The following KYAT1 variants were observed in gnomAD, a reference collection of about 807,000 sequenced individuals.
KYAT1 encodes the protein kynurenine aminotransferase 1, also known as kynurenine--oxoglutarate transaminase 1.
A neutral mutation model predicts 52.4 loss-of-function variants in KYAT1; 47 were observed. The observed-to-expected ratio is 0.90, with a 90% CI of 0.71 to 1.14. The LOEUF (loss-of-function observed/expected upper bound fraction) is 1.14, where lower values mean the gene tolerates loss of function less well. KYAT1 is among the 50% of genes most tolerant of loss of function. The pLI is 0.00. For synonymous variants in KYAT1, 212 were observed against 209.6 expected, an observed-to-expected ratio of 1.01 and a Z score of -0.10; for missense variants, 480 against 557.9, an observed-to-expected ratio of 0.86 and a Z score of 1.41.
chr9:128,853,174 C>A (rs951476692), intron 1 of KYAT1, among the ~76,000 whole-genome samples: 2 of 152,156 alleles, frequency 1.3e-5, no homozygotes, highest in African/African-American at 4.8e-5. Context: ...GTTAGACAAG[C>A]TTTTATCAAT....
intron 1 of KYAT1, chr9:128,846,820 G>C: frequency 1.3e-6 from 2 of 1,535,594 alleles, no homozygotes; most frequent in Non-Finnish European, 1.7e-6. Flanking sequence ...TGGCTGGTGG[G>C]CCGTGGAGCT....
intron 3 of KYAT1, among the ~76,000 whole-genome samples, chr9:128,841,357 G>C (rs954265233): frequency 6.6e-5 from 10 of 152,094 alleles, no homozygotes; most frequent in Admixed American, 2.0e-4. Flanking sequence ...ACAAAAATTA[G>C]CTGGGCATGG....
intron 4 of KYAT1, 36 bp downstream of exon 4, chr9:128,838,182 T>G: frequency 6.2e-7 from 1 of 1,614,164 alleles, no homozygotes; most frequent in Non-Finnish European, 8.5e-7. Context: ...GGCCCTGACC[T>G]CTCAGTCCCA....
intron 1 of KYAT1, among the ~76,000 whole-genome samples, chr9:128,847,034 G>A (rs991329678): frequency 6.6e-6 from 1 of 152,186 alleles, no homozygotes; most frequent in Non-Finnish European, 1.5e-5. Flanking sequence ...CAAGGACCTG[G>A]TCAGGGTGGC....
intron 1 of KYAT1, among the ~76,000 whole-genome samples, chr9:128,875,540 G>A (rs1207747450): frequency 2.6e-5 from 4 of 151,870 alleles, no homozygotes; most frequent in African/African-American, 9.7e-5. Flanking sequence ...TTGAACCTGA[G>A]AGGCAGAGGT....
chr9:128,846,630 G>C, intron 1 of KYAT1: 4 of 541,234 alleles, frequency 7.4e-6, no homozygotes, highest in Non-Finnish European at 1.2e-5. Context: ...AAAAAAGAAA[G>C]AAAGAAATTG....
At position 128,842,724 on chromosome 9, in the gene KYAT1, T is replaced by A. The variant is rs774957587; in HGVS notation, c.131A>T (p.Asp44Val). ...GTGCTGAAAGGCTTCCACGGCAAAGTCTGGTGGTGGGAAATCCGGGAAGCC... is the reference window on the plus strand; with the variant it reads ...GTGCTGAAAGGCTTCCACGGCAAAGACTGGTGGTGGGAAATCCGGGAAGCC... ...GQGFPDFPPPDFAVEAFQHAV... is the reference protein window; with the variant it reads ...GQGFPDFPPPVFAVEAFQHAV... The change falls in exon 3 of 13, where the codon GAC (aspartate) becomes GTC (valine). Residue 44 changes from aspartate (D) to valine (V), a missense_variant. By Grantham distance (152) the Asp-to-Val change is radical (BLOSUM62 -3). Transcript: ENST00000302586. The A allele has an allele frequency of 1.2e-6, 2 of 1,614,122 alleles. No individual in the cohort carries two copies. Among genetic ancestry groups the A allele is most frequent in the South Asian group, 2.2e-5 (2 of 91,084 alleles).
chr9:128,865,388 G>T (rs1373617868), intron 1 of KYAT1, among the ~76,000 whole-genome samples: 52 of 69,272 alleles, frequency 7.5e-4, no homozygotes, highest in African/African-American at 1.8e-3. Context: ...TTGAGACAGA[G>T]TTTCGCTCTT....
At chr9:128,876,456 C>G (rs974103476) in intron 1 of KYAT1, among the ~76,000 whole-genome samples, 1 of 141,530 alleles carries the variant, frequency 7.1e-6, no homozygotes, top group African/African-American at 2.6e-5. Context: ...CTGGCTCTGT[C>G]GCCCAGGCTG....
chr9:128,841,323 T>C (rs978710536), intron 3 of KYAT1, among the ~76,000 whole-genome samples: 3 of 151,648 alleles, frequency 2.0e-5, no homozygotes, highest in African/African-American at 7.3e-5. Context: ...GCCAACATGG[T>C]GAAACCCCGT....
intron 1 of KYAT1, among the ~76,000 whole-genome samples, chr9:128,845,887 C>G (rs1274013401): frequency 4.6e-5 from 7 of 152,176 alleles, no homozygotes; most frequent in African/African-American, 1.7e-4. Context: ...CTGGTCAGGC[C>G]TATCTTATCA....
At chr9:128,867,081 C>T (rs1196972203) in intron 1 of KYAT1, among the ~76,000 whole-genome samples, 1 of 152,166 alleles carries the variant, frequency 6.6e-6, no homozygotes, top group East Asian at 1.9e-4. Flanking sequence ...ATTTGAAAAG[C>T]AAGCACTAGG....
chr9:128,874,803 C>A (rs545586080), intron 1 of KYAT1, among the ~76,000 whole-genome samples: 2 of 151,274 alleles, frequency 1.3e-5, no homozygotes, highest in African/African-American at 4.9e-5. Context: ...CGGCTCACTC[C>A]AATCTCTGCC....
intron 1 of KYAT1, among the ~76,000 whole-genome samples, chr9:128,881,356 C>T (rs1838867589): frequency 6.6e-6 from 1 of 152,226 alleles, no homozygotes; most frequent in Non-Finnish European, 1.5e-5. Flanking sequence ...GCTGGGATTA[C>T]AGACGTGAGC....
chr9:128,856,063 T>C (rs1024598062), intron 1 of KYAT1, among the ~76,000 whole-genome samples: 3 of 152,208 alleles, frequency 2.0e-5, no homozygotes, highest in Non-Finnish European at 2.9e-5. Context: ...GACTGGAATA[T>C]GTCAGATTTT....
intron 3 of KYAT1, chr9:128,842,178 G>A: frequency 3.9e-6 from 1 of 258,916 alleles, no homozygotes; most frequent in South Asian, 3.6e-5. Flanking sequence ...GGATAACAGA[G>A]TGAGACCTTG....
intron 3 of KYAT1, 50 bp from the exon 4 acceptor site, chr9:128,838,417 C>T (rs1831534038): frequency 6.2e-7 from 1 of 1,609,290 alleles, no homozygotes; most frequent in Admixed American, 1.7e-5. Context: ...GGCCCATCCT[C>T]CGGCCCAGCT....
At chr9:128,877,898 T>C (rs1209978385) in intron 1 of KYAT1, among the ~76,000 whole-genome samples, 1 of 152,180 alleles carries the variant, frequency 6.6e-6, no homozygotes, top group Non-Finnish European at 1.5e-5. Flanking sequence ...GGTACAGAAC[T>C]GGGGATACCA....
Position 128,837,746 on chromosome 9 carries a change from C to A in KYAT1, c.506G>T (p.Gly169Val). 6.2e-7 allele frequency: 1 copy of A among 1,614,052 alleles called. No homozygotes were observed. Among genetic ancestry groups the A allele is most frequent in the South Asian group, 1.1e-5 (1 of 91,080 alleles). Reference protein sequence around the residue: ...NWQLDPMELAGKFTSRTKALV... With the variant: ...NWQLDPMELAVKFTSRTKALV... ...GGCTTTGGTGCGTGATGTGAATTTG[C>A]CGGCCAGCTCCATGGGGTCCAGCTG... The change falls in exon 6 of 13, where the codon GGC (glycine) becomes GTC (valine). Residue 169 changes from glycine to valine, a missense_variant. Gly to Val is a moderately radical substitution (Grantham distance 109). Transcript: ENST00000302586.
Sources: gnomAD v4.1 joint callset for allele counts (sites outside exome capture counted in the v4.1 genomes callset) on GRCh38, gnomAD v4.1.1 for gene constraint, MANE v1.5 for transcripts, NCBI Gene and HGNC (gene_info 2026-07-23, HGNC 2026-07-21) for gene names.